The following GRID1 variants were observed in gnomAD, a reference collection of about 807,000 sequenced individuals.
The protein encoded by GRID1 is glutamate receptor ionotropic, delta-1.
GRID1 carries 28 observed loss-of-function variants against 98.0 expected under a neutral mutation model. The observed-to-expected ratio is 0.29, with a 90% CI of 0.21 to 0.39. The LOEUF is 0.39. Ranked by LOEUF, GRID1 falls within the 10% of genes least tolerant of loss-of-function variation. The probability of loss-of-function intolerance (pLI) is 1.00; values close to 1 mark genes in which losing one functional copy is unlikely to be tolerated. For synonymous variants in GRID1, 553 were observed against 538.5 expected, an observed-to-expected ratio of 1.03 and a Z score of -0.37; for missense variants, 1,111 against 1,340.5, an observed-to-expected ratio of 0.83 and a Z score of 2.67.
chr10:86,286,527 C>G (rs1031183399), intron 2 of GRID1, among the ~76,000 whole-genome samples: 1 of 152,220 alleles, frequency 6.6e-6, no homozygotes. Flanking sequence ...CACGAGAAGC[C>G]AGGCAGGAAT....
intron 8 of GRID1, among the ~76,000 whole-genome samples, chr10:85,788,128 A>AC (rs1842446823): frequency 6.6e-6 from 1 of 152,194 alleles, no homozygotes; most frequent in African/African-American, 2.4e-5. Context: ...TGTCTGACAC[A>AC]CAGCAGACAC....
At chr10:85,915,356 TCATA>T (rs1447144426) in intron 5 of GRID1, among the ~76,000 whole-genome samples, 16 of 149,508 alleles carry the variant, frequency 1.1e-4, no homozygotes, top group East Asian at 6.0e-4. Flanking sequence ...GCACACACAC[TCATA>T]CATACATACA....
intron 5 of GRID1, among the ~76,000 whole-genome samples, chr10:85,880,432 G>T (rs2131802460): frequency 6.6e-6 from 1 of 152,332 alleles, no homozygotes; most frequent in Middle Eastern, 3.4e-3. Flanking sequence ...CCATGATCCA[G>T]TGGGCTTCAT....
At chr10:86,085,266 C>T (rs141030051) in intron 4 of GRID1, among the ~76,000 whole-genome samples, 83 of 152,304 alleles carry the variant, frequency 5.4e-4, no homozygotes, top group African/African-American at 1.3e-3. Context: ...CCTGGGCTTT[C>T]GGGGCTCAGC....
chr10:86,137,145 T>G (rs1034547267), intron 4 of GRID1, among the ~76,000 whole-genome samples: 2 of 152,184 alleles, frequency 1.3e-5, no homozygotes, highest in African/African-American at 2.4e-5. Flanking sequence ...AGTTATGTGT[T>G]AAATCCTCAC....
chr10:86,200,695 A>G (rs1010134841), intron 3 of GRID1, among the ~76,000 whole-genome samples: 3 of 152,256 alleles, frequency 2.0e-5, no homozygotes, highest in African/African-American at 7.2e-5. Context: ...CACTAAGACA[A>G]ACAATTAACT....
chr10:85,891,915 A>G (rs1841206540), intron 5 of GRID1, among the ~76,000 whole-genome samples: 1 of 152,114 alleles, frequency 6.6e-6, no homozygotes, highest in South Asian at 2.1e-4. Flanking sequence ...ATCAATCAAT[A>G]GAAACACACC....
chr10:85,731,724 A>T (rs1421589124), intron 8 of GRID1, among the ~76,000 whole-genome samples: 2 of 150,610 alleles, frequency 1.3e-5, no homozygotes, highest in Non-Finnish European at 3.0e-5. Context: ...ATCAATTGAG[A>T]CCAGGAGGTC....
At chr10:85,830,822 G>A (rs1438429811) in intron 8 of GRID1, among the ~76,000 whole-genome samples, 3 of 152,108 alleles carry the variant, frequency 2.0e-5, no homozygotes, top group Non-Finnish European at 2.9e-5. Context: ...ACAGATGTTC[G>A]TGAGGTTGTG....
At position 86,060,379 on chromosome 10, in the gene GRID1, G is replaced by A. The variant is rs75784209; in HGVS notation, c.726+78440C>T. 1.8e-4 allele frequency among the ~76,000 whole-genome samples: 27 copies of A among 152,290 alleles called. No homozygotes were observed. In the South Asian group the frequency reaches 4.8e-3, roughly 27 times the overall value. ...ATTTATAGGAACTAGCTACAGGGGC[G>A]AAGTGGGAAGCTTGCCCAATTCTAC... On this transcript the variant is annotated intron_variant, in intron 4 of 15. Coordinates refer to ENST00000327946, the MANE Select transcript of GRID1 (RefSeq NM_017551.3).
chr10:86,034,904 G>GGATC (rs1225099049), intron 4 of GRID1, among the ~76,000 whole-genome samples: 1 of 39,918 alleles, frequency 2.5e-5, no homozygotes, highest in Non-Finnish European at 5.0e-5. Flanking sequence ...ATGGATTGGT[G>GGATC]GATGGATGGA....
intron 12 of GRID1, among the ~76,000 whole-genome samples, chr10:85,672,625 A>T (rs1372649391): frequency 6.6e-6 from 1 of 152,012 alleles, no homozygotes; most frequent in East Asian, 1.9e-4. Flanking sequence ...TGTAAATGGA[A>T]CAACAAGGCC....
chr10:86,184,618 C>T (rs1025457639), intron 3 of GRID1, among the ~76,000 whole-genome samples: 1 of 152,012 alleles, frequency 6.6e-6, no homozygotes, highest in Admixed American at 6.5e-5. Flanking sequence ...TCTCCTCTTC[C>T]AGTGATCTAT....
chr10:86,060,404 C>A (rs900416662), intron 4 of GRID1, among the ~76,000 whole-genome samples: 2 of 152,210 alleles, frequency 1.3e-5, no homozygotes, highest in Non-Finnish European at 2.9e-5. Flanking sequence ...CCCAATTCTA[C>A]CCACAAGATA....
At chr10:86,096,947 A>C (rs1407680712) in intron 4 of GRID1, among the ~76,000 whole-genome samples, 1 of 152,098 alleles carries the variant, frequency 6.6e-6, no homozygotes, top group East Asian at 1.9e-4. Flanking sequence ...CCACTAGCAA[A>C]ATTTTTGCTT....
chr10:85,622,363 C>T (rs113687387), intron 13 of GRID1, among the ~76,000 whole-genome samples: 11 of 152,226 alleles, frequency 7.2e-5, no homozygotes, highest in African/African-American at 2.6e-4. Context: ...TCCCCATTTG[C>T]CTATTTGTAA....
chr10:86,257,203 G>A (rs562808608), intron 2 of GRID1, among the ~76,000 whole-genome samples: 25 of 152,348 alleles, frequency 1.6e-4, no homozygotes, highest in African/African-American at 6.0e-4. Flanking sequence ...TCCTCTCTGA[G>A]GTGGGCTGGG....
At chr10:86,201,952 A>T (rs569988007) in intron 3 of GRID1, among the ~76,000 whole-genome samples, 1 of 152,210 alleles carries the variant, frequency 6.6e-6, no homozygotes, top group Non-Finnish European at 1.5e-5. Flanking sequence ...ATATTTTTCA[A>T]ACTGATTGTG....
chr10:85,724,229 C>T, intron 11 of GRID1, 123 bp downstream of exon 11: 1 of 685,780 alleles, frequency 1.5e-6, no homozygotes, highest in Non-Finnish European at 2.5e-6. Flanking sequence ...TTTGTACTGT[C>T]CTAGAGATTA....
Sources: gnomAD v4.1 joint callset for allele counts (sites outside exome capture counted in the v4.1 genomes callset) on GRCh38, gnomAD v4.1.1 for gene constraint, MANE v1.5 for transcripts, NCBI Gene and HGNC (gene_info 2026-07-23, HGNC 2026-07-21) for gene names.